Variants in LEKR1 observed in about 807,000 individuals in gnomAD.
The protein encoded by LEKR1 is leucine, glutamate and lysine rich 1.
LEKR1 carries 59 observed loss-of-function variants against 72.4 expected under a neutral mutation model. The observed-to-expected ratio is 0.82, with a 90% CI of 0.66 to 1.01. The LOEUF (loss-of-function observed/expected upper bound fraction) is 1.01. Among genes scored for constraint, LEKR1 ranks in the 50% least tolerant of loss-of-function variants. The pLI is 0.00. For synonymous variants in LEKR1, 257 were observed against 263.2 expected (o/e 0.98, Z 0.23); for missense variants, 728 against 759.2 (o/e 0.96, Z 0.48).
intron 6 of LEKR1, among the ~76,000 whole-genome samples, chr3:156,978,793 C>T (rs1308561568): frequency 6.6e-6 from 1 of 152,144 alleles, no homozygotes; most frequent in Non-Finnish European, 1.5e-5. Context: ...AAGACTCAGC[C>T]ATGCTTCACA....
chr3:156,935,002 T>C (rs1196450063), intron 5 of LEKR1, among the ~76,000 whole-genome samples: 1 of 152,206 alleles, frequency 6.6e-6, no homozygotes, highest in Non-Finnish European at 1.5e-5. Context: ...ATCTTTAGGA[T>C]TTTATCCTGT....
intron 4 of LEKR1, among the ~76,000 whole-genome samples, chr3:156,921,385 T>C (rs1263200604): frequency 6.6e-6 from 1 of 152,178 alleles, no homozygotes; most frequent in African/African-American, 2.4e-5. Flanking sequence ...TTGCTTTTTA[T>C]CTAAGAATTA....
intron 3 of LEKR1, among the ~76,000 whole-genome samples, chr3:156,878,872 G>C (rs1718934547): frequency 1.3e-5 from 2 of 152,130 alleles, no homozygotes; most frequent in Admixed American, 1.3e-4. Context: ...TGATGGTTTT[G>C]TAAGAGGAAA....
intron 3 of LEKR1, among the ~76,000 whole-genome samples, chr3:156,903,073 C>T (rs1685508960): frequency 6.6e-6 from 1 of 151,900 alleles, no homozygotes; most frequent in South Asian, 2.1e-4. Flanking sequence ...CCAAAGCAAA[C>T]AAAAATGTTT....
intron 9 of LEKR1, among the ~76,000 whole-genome samples, chr3:157,005,147 T>G (rs1235347044): frequency 1.3e-5 from 2 of 152,182 alleles, no homozygotes; most frequent in Non-Finnish European, 2.9e-5. Flanking sequence ...TACAGAAATA[T>G]CATGAACAGC....
At chr3:156,844,874 A>G (rs2108534025) in intron 2 of LEKR1, among the ~76,000 whole-genome samples, 1 of 149,156 alleles carries the variant, frequency 6.7e-6, no homozygotes. Flanking sequence ...AATGGCCAAG[A>G]GTTCAATTGC....
chr3:156,988,193 C>T (rs746025526), intron 7 of LEKR1: 23 of 193,170 alleles, frequency 1.2e-4, no homozygotes, highest in Non-Finnish European at 2.0e-4. Flanking sequence ...TGGAAAGTTG[C>T]CTGCTTCTCA....
At chr3:156,844,228 A>G (rs1714291809) in intron 2 of LEKR1, among the ~76,000 whole-genome samples, 1 of 152,096 alleles carries the variant, frequency 6.6e-6, no homozygotes, top group Non-Finnish European at 1.5e-5. Flanking sequence ...GTCTTTATGG[A>G]TGAATCTCTG....
At chr3:156,982,870 G>A (rs559122144) in intron 7 of LEKR1, among the ~76,000 whole-genome samples, 1 of 148,662 alleles carries the variant, frequency 6.7e-6, no homozygotes, top group African/African-American at 2.5e-5. Flanking sequence ...TAGATAGATA[G>A]ATAGATAGAT....
At chr3:157,039,626 G>A (rs1168927689) in intron 12 of LEKR1, among the ~76,000 whole-genome samples, 2 of 152,048 alleles carry the variant, frequency 1.3e-5, no homozygotes, top group Non-Finnish European at 2.9e-5. Flanking sequence ...CTCAAAAAAC[G>A]AAAAGAAAAA....
At position 157,011,341 on chromosome 3, in the gene LEKR1, AC is replaced by A. The variant is rs1340554226; in HGVS notation, c.1110-69del. 6 of 1,010,904 alleles carry A rather than the reference AC, an allele frequency of 5.9e-6. No homozygotes were observed. In the African/African-American group the frequency reaches 9.5e-5, roughly 16 times the overall value. 62.6% of individuals were successfully genotyped at this position (1,010,904 alleles called of 1,614,324 possible). The stretch of plus-strand genomic sequence containing the variant: ...CTAAGTTTTGAAGTAATATCTCCCG[AC>A]CCAGGAACTACAACTTAGGAATTGT... On this transcript the variant is annotated intron_variant, in intron 9 of 12. Transcript: ENST00000356539.
chr3:156,898,181 G>C (rs1256360987), intron 3 of LEKR1, among the ~76,000 whole-genome samples: 1 of 152,072 alleles, frequency 6.6e-6, no homozygotes, highest in Non-Finnish European at 1.5e-5. Context: ...CAGCTTTGCA[G>C]GGCCATTTCA....
chr3:156,884,753 G>A (rs1443555269), intron 3 of LEKR1, among the ~76,000 whole-genome samples: 1 of 152,092 alleles, frequency 6.6e-6, no homozygotes, highest in Non-Finnish European at 1.5e-5. Context: ...ATGAATATGT[G>A]CCTAGGCGAT....
chr3:156,884,614 C>T (rs989168086), intron 3 of LEKR1, among the ~76,000 whole-genome samples: 4 of 152,192 alleles, frequency 2.6e-5, no homozygotes, highest in African/African-American at 9.6e-5. Flanking sequence ...ACCCCAATCC[C>T]TTCTGGCTTG....
chr3:156,866,466 AAGAC>A (rs1717316350), intron 3 of LEKR1, among the ~76,000 whole-genome samples: 1 of 152,020 alleles, frequency 6.6e-6, no homozygotes, highest in African/African-American at 2.4e-5. Flanking sequence ...CATTTTAAGA[AAGAC>A]AGAAGAATTC....
chr3:156,935,854 A>G (rs1336733890), intron 5 of LEKR1, among the ~76,000 whole-genome samples: 1 of 152,194 alleles, frequency 6.6e-6, no homozygotes, highest in Non-Finnish European at 1.5e-5. Context: ...GATATTTTTA[A>G]TATGGCTACT....
intron 3 of LEKR1, among the ~76,000 whole-genome samples, chr3:156,885,468 T>C (rs926125177): frequency 2.0e-5 from 3 of 152,232 alleles, no homozygotes; most frequent in Non-Finnish European, 2.9e-5. Context: ...TCCTGTCCCA[T>C]GGGATGATCC....
chr3:156,924,518 A>G, intron 4 of LEKR1: 1 of 684,334 alleles, frequency 1.5e-6, no homozygotes, highest in Non-Finnish European at 2.7e-6. Flanking sequence ...TGATGTCTGT[A>G]AGAACTCTGT....
intron 9 of LEKR1, 143 bp downstream of exon 9, chr3:156,993,420 A>G: frequency 2.0e-6 from 1 of 490,314 alleles, no homozygotes; most frequent in Non-Finnish European, 3.6e-6. Flanking sequence ...AGGTCATTGC[A>G]TCCCACCACC....
Sources: gnomAD v4.1 joint callset for allele counts (sites outside exome capture counted in the v4.1 genomes callset) on GRCh38, gnomAD v4.1.1 for gene constraint, MANE v1.5 for transcripts, NCBI Gene and HGNC (gene_info 2026-07-23, HGNC 2026-07-21) for gene names.